COL1A2: variants seen among roughly 807,000 people sequenced by gnomAD.
The protein encoded by COL1A2 is collagen type I alpha 2 chain.
COL1A2 carries 49 observed loss-of-function variants against 174.3 expected under a neutral mutation model. The ratio of observed to expected loss-of-function variants is 0.28; its 90% CI spans 0.22 to 0.36. The LOEUF (loss-of-function observed/expected upper bound fraction) is 0.36, where lower values mean the gene tolerates loss of function less well. COL1A2 is among the 10% of genes least tolerant of loss of function. COL1A2 has a pLI of 1.00. For missense variants in COL1A2, 1,438 were observed against 1,822.7 expected (o/e 0.79, Z 3.84); for synonymous variants, 655 against 606.6 (o/e 1.08, Z -1.17).
chr7:94,425,514 A>C (rs1792254008), intron 42 of COL1A2, 96 bp from the exon 43 acceptor site: 1 of 1,250,830 alleles, frequency 8.0e-7, no homozygotes, highest in African/African-American at 1.5e-5. Flanking sequence ...TTCGTTACTG[A>C]GCACTGGAAG....
At chr7:94,410,334 G>C (rs1439603260) in intron 20 of COL1A2, 39 bp downstream of exon 20, 1 of 1,611,794 alleles carries the variant, frequency 6.2e-7, no homozygotes, top group Non-Finnish European at 8.5e-7. Context: ...AAAGTTAATT[G>C]TTTTTCTCAT....
intron 29 of COL1A2, among the ~76,000 whole-genome samples, chr7:94,414,882 G>A (rs548287203): frequency 8.1e-4 from 123 of 152,202 alleles, no homozygotes; most frequent in African/African-American, 2.8e-3. Flanking sequence ...TTAAGAAGAC[G>A]ATCTGTTATA....
In COL1A2 at chr7:94,404,759, T is replaced by C; in HGVS notation, c.378+13T>C. On this transcript the variant is annotated intron_variant, in intron 8 of 51. Coordinates refer to ENST00000297268, the MANE Select transcript of COL1A2 (RefSeq NM_000089.4). ...ACCTGGTCAAACTGTGAGTACATTT[T>C]TCCACCTTTGTGATAAGTTTTTTTC... 3 of 1,614,204 alleles carry C rather than the reference T, an allele frequency of 1.9e-6. No homozygotes were observed. Among genetic ancestry groups the C allele is most frequent in the Non-Finnish European group, 2.5e-6 (3 of 1,180,008 alleles).
rs1318500923 is a variant in COL1A2 at position 94,395,121 on chromosome 7, T to C, written c.70+20T>C. The C allele has an allele frequency of 1.9e-6, 3 of 1,610,626 alleles. No individual in the cohort carries two copies. The highest frequency in any genetic ancestry group is 1.7e-5 in the Admixed American group (1 of 59,970). On this transcript the variant is annotated intron_variant, in intron 1 of 51. Coordinates refer to ENST00000297268, the MANE Select transcript of COL1A2 (RefSeq NM_000089.4). ...GCCAATGTAAGTGCCTTCAGCTTGT[T>C]TGGGGGAGACTGGGTAGAGAGGTTA... is the stretch of plus-strand genomic sequence containing the variant.
intron 34 of COL1A2, 133 bp from the exon 35 acceptor site, chr7:94,420,100 G>A (rs1008220066): frequency 1.3e-5 from 15 of 1,167,638 alleles, no homozygotes; most frequent in Admixed American, 3.4e-5. Flanking sequence ...ATTTTACTCT[G>A]TGAGATGTGC....
chr7:94,414,128 T>G, intron 28 of COL1A2, 94 bp from the exon 29 acceptor site: 5 of 1,399,426 alleles, frequency 3.6e-6, no homozygotes, highest in Non-Finnish European at 5.1e-6. Flanking sequence ...GTGCTCATGT[T>G]GATATTTGGT....
rs201760437 is a variant in COL1A2 at position 94,426,021 on chromosome 7, T to C, written c.2967T>C (p.Pro989=). 51 of 1,614,216 alleles carry C rather than the reference T, an allele frequency of 3.2e-5. No individual in the cohort carries two copies. In the East Asian group the frequency reaches 1.1e-3, roughly 35 times the overall value. The change falls in exon 45 of 52, where the codon CCT becomes CCC. Residue 989 remains proline (P), a synonymous_variant. Transcript: ENST00000297268. ...GETGPSGPVG[P]AGAVGPRGPS... is the part of the protein sequence containing the mutation. Reference sequence around the variant, plus strand: ...AGGGTCCTTCTGGTCCTGTTGGTCCTGCTGGTGCTGTTGGCCCAAGAGGTC... The same window carrying C: ...AGGGTCCTTCTGGTCCTGTTGGTCCCGCTGGTGCTGTTGGCCCAAGAGGTC...
Position 94,395,164 on chromosome 7 carries a change from C to T in COL1A2, c.70+63C>T, listed in dbSNP as rs182878866. 8.6e-6 allele frequency: 12 copies of T among 1,397,272 alleles called. No homozygotes were observed. The African/African-American group carries it at 1.7e-4, about 20-fold the overall frequency. 86.6% of individuals were successfully genotyped at this position (1,397,272 alleles called of 1,614,324 possible). On this transcript the variant is annotated intron_variant, in intron 1 of 51. Transcript: ENST00000297268. ...AGAGGTTAGATGGGAGGGCACCCTGCCCTGAAAAGGAAAACCTGTAACCTG... is the reference window on the plus strand; with the variant it reads ...AGAGGTTAGATGGGAGGGCACCCTGTCCTGAAAAGGAAAACCTGTAACCTG...
chr7:94,424,250 G>C, intron 40 of COL1A2, 86 bp from the exon 41 acceptor site: 1 of 1,132,044 alleles, frequency 8.8e-7, no homozygotes, highest in South Asian at 1.2e-5. Flanking sequence ...CTAAGCTGAA[G>C]ACAGTTTATT....
Position 94,401,611 on chromosome 7 carries a change from T to A in COL1A2, c.270T>A (p.Pro90=). The part of the protein sequence containing the change: ...QYDGKGVGLG[P]GPMGLMGPRG... ...ATGGAAAAGGAGTTGGACTTGGCCCTGGACCAATGGTATGCTTATCTGTTT... is the reference window on the plus strand; with the variant it reads ...ATGGAAAAGGAGTTGGACTTGGCCCAGGACCAATGGTATGCTTATCTGTTT... The change falls in exon 6 of 52, where the codon CCT becomes CCA. Residue 90 remains proline (P), a synonymous_variant. Coordinates refer to ENST00000297268, the MANE Select transcript of COL1A2 (RefSeq NM_000089.4). The A allele has an allele frequency of 1.3e-6, 2 of 1,589,022 alleles. No individual in the cohort carries two copies. Among genetic ancestry groups the A allele is most frequent in the Non-Finnish European group, 1.7e-6 (2 of 1,165,682 alleles).
rs763695362 is a variant in COL1A2, at chr7:94,413,936, C to T, written c.1654C>T (p.Pro552Ser). Residue 552 changes from proline to serine, a missense_variant, in exon 28 of 52, where the codon CCA (proline) becomes TCA (serine). Coordinates refer to ENST00000297268, the MANE Select transcript of COL1A2 (RefSeq NM_000089.4). ...GKGEQGPPGP[P>S]GFQGLPGPSG... ...AGGTGAACAGGGTCCCCCTGGTCCT[C>T]CAGGCTTCCAGGTAAGTCAACTCAA... 71 of 1,613,338 alleles carry T rather than the reference C, an allele frequency of 4.4e-5. 1 individual carries two copies. In the Middle Eastern group the frequency reaches 1.3e-3, roughly 30 times the overall value.
rs543815305 is a variant in COL1A2 at position 94,412,598 on chromosome 7, C to G, written c.1419C>G (p.Ile473Met). Reference sequence around the variant, plus strand: ...TCTGCTTTCAGGGCCTCCCTGGCATCGACGGCAGGCCTGGCCCAATTGGCC... The same window carrying G: ...TCTGCTTTCAGGGCCTCCCTGGCATGGACGGCAGGCCTGGCCCAATTGGCC... ...GKEGPVGLPGIDGRPGPIGPA... is the reference protein window; with the variant it reads ...GKEGPVGLPGMDGRPGPIGPA... The change falls in exon 25 of 52, where the codon ATC becomes ATG. Residue 473 changes from isoleucine to methionine, a missense_variant. This residue lies in a region of COL1A2 where 867 missense variants were observed against 1,213.7 expected (regional missense o/e 0.71). Coordinates refer to ENST00000297268, the MANE Select transcript of COL1A2 (RefSeq NM_000089.4). The G allele has an allele frequency of 2.5e-6, 4 of 1,613,770 alleles. No individual in the cohort carries two copies. In the South Asian group the frequency reaches 3.3e-5, roughly 13 times the overall value.
Position 94,414,230 on chromosome 7 carries a change from T to C in COL1A2, c.1674T>C (p.Pro558=). ...PPGPPGFQGL[P]GPSGPAGEVG... ...TTTCTTTTCATTTTTAGGGTCTGCC[T>C]GGCCCCTCAGGTCCCGCTGGTGAAG... Residue 558 remains proline, a synonymous_variant, in exon 29 of 52, where the codon CCT becomes CCC. Transcript: ENST00000297268. The C allele has an allele frequency of 2.5e-6, 4 of 1,613,354 alleles. No homozygotes were observed. Among genetic ancestry groups the C allele is most frequent in the Non-Finnish European group, 3.4e-6 (4 of 1,179,826 alleles).
chr7:94,429,879 A>T (rs1203424474), intron 51 of COL1A2: 2 of 272,908 alleles, frequency 7.3e-6, no homozygotes, highest in Non-Finnish European at 1.4e-5. Flanking sequence ...ATATAAGAAA[A>T]ATTAAAATTC....
At chr7:94,414,331 G>T in intron 29 of COL1A2, 56 bp downstream of exon 29, 1 of 1,413,180 alleles carries the variant, frequency 7.1e-7, no homozygotes, top group South Asian at 1.2e-5. Context: ...ATTTCCCCCT[G>T]TTTAATACCC....
chr7:94,414,712 C>T (rs561773266), intron 29 of COL1A2, among the ~76,000 whole-genome samples: 4 of 152,276 alleles, frequency 2.6e-5, no homozygotes, highest in South Asian at 4.1e-4. Context: ...GAGTCATTTT[C>T]TCTCTAATTG....
At chr7:94,430,116 T>G in intron 51 of COL1A2, 131 bp from the exon 52 acceptor site, 1 of 915,894 alleles carries the variant, frequency 1.1e-6, no homozygotes, top group Non-Finnish European at 1.7e-6. Context: ...AAGGATGAAC[T>G]TATTTATCTG....
chr7:94,416,240 A>G (rs1792039627), intron 30 of COL1A2, among the ~76,000 whole-genome samples, 165 bp from the exon 31 acceptor site: 1 of 152,228 alleles, frequency 6.6e-6, no homozygotes, highest in Non-Finnish European at 1.5e-5. Context: ...TATCTCATCA[A>G]TCTCTTCATT....
chr7:94,413,021 T>A, intron 25 of COL1A2, 62 bp from the exon 26 acceptor site: 1 of 1,493,854 alleles, frequency 6.7e-7, no homozygotes, highest in South Asian at 1.1e-5. Flanking sequence ...AAAATCACCG[T>A]GGTTAATTTG....
Sources: allele counts gnomAD v4.1 joint callset (sites outside exome capture counted in the v4.1 genomes callset), GRCh38; gene constraint gnomAD v4.1.1; regional missense constraint gnomAD v4.1.1; transcripts MANE v1.5; gene names NCBI Gene and HGNC (gene_info 2026-07-23, HGNC 2026-07-21).